Variants in RYR3 observed in about 807,000 individuals in gnomAD.
RYR3 encodes the protein ryanodine receptor 3.
RYR3 carries 207 observed loss-of-function variants against 584.3 expected under a neutral mutation model. The observed-to-expected ratio is 0.35, with a 90% CI of 0.32 to 0.40. RYR3 has a LOEUF of 0.40. RYR3 is among the 10% of genes least tolerant of loss of function. The pLI, the probability that RYR3 is intolerant of heterozygous loss-of-function variation, is 1.00. For missense variants in RYR3, 5,616 were observed against 6,089.2 expected (o/e 0.92, Z 2.59); for synonymous variants, 2,416 against 2,248.5 (o/e 1.07, Z -2.11).
intron 2 of RYR3, among the ~76,000 whole-genome samples, chr15:33,484,557 T>C (rs1282845849): frequency 6.6e-6 from 1 of 152,166 alleles, no homozygotes; most frequent in African/African-American, 2.4e-5. Context: ...AAACATAGAC[T>C]TGTGATCATT....
chr15:33,858,047 T>G, intron 99 of RYR3, 133 bp downstream of exon 99: 1 of 1,186,390 alleles, frequency 8.4e-7, no homozygotes, highest in Non-Finnish European at 1.2e-6. Flanking sequence ...CAGCAGAGAT[T>G]AAAGTAGAAG....
chr15:33,696,431 G>A lies in RYR3; in HGVS notation c.6074G>A (p.Arg2025His), dbSNP rs747601353. 3.7e-6 allele frequency: 6 copies of A among 1,613,804 alleles called. No individual in the cohort carries two copies. Among genetic ancestry groups the A allele is most frequent in the African/African-American group, 2.7e-5 (2 of 74,900 alleles). ...CTGCTGGCTGCCCTGGGCCAAATCCGCTCCCTCCTCAGTGTCAGGATGGGC... is the reference window on the plus strand; with the variant it reads ...CTGCTGGCTGCCCTGGGCCAAATCCACTCCCTCCTCAGTGTCAGGATGGGC... ...INLLAALGQIRSLLSVRMGKE... is the reference protein window; with the variant it reads ...INLLAALGQIHSLLSVRMGKE... Residue 2025 changes from arginine (R) to histidine (H), a missense_variant, in exon 39 of 104, where the codon CGC becomes CAC. Physicochemically the swap from Arg to His is conservative, Grantham distance 29. This residue lies in a region of RYR3 where 1,280 missense variants were observed against 1,426.2 expected (regional missense o/e 0.90). Transcript: ENST00000634891.
chr15:33,776,986 C>CA (rs1567149851), intron 64 of RYR3, among the ~76,000 whole-genome samples: 4 of 152,162 alleles, frequency 2.6e-5, no homozygotes, highest in Non-Finnish European at 5.9e-5. Flanking sequence ...AGAACCGAGA[C>CA]CAGACGAGCC....
At chr15:33,430,137 C>T (rs1057496748) in intron 1 of RYR3, among the ~76,000 whole-genome samples, 26 of 152,320 alleles carry the variant, frequency 1.7e-4, no homozygotes, top group African/African-American at 6.0e-4. Flanking sequence ...GTTATCCAAC[C>T]AAATTGGGTC....
chr15:33,681,506 C>T (rs922205525), intron 38 of RYR3, among the ~76,000 whole-genome samples: 2 of 152,016 alleles, frequency 1.3e-5, no homozygotes, highest in East Asian at 1.9e-4. Flanking sequence ...AGGACATGGA[C>T]GTTTGGGGGA....
intron 22 of RYR3, among the ~76,000 whole-genome samples, chr15:33,630,573 G>GT: frequency 6.6e-6 from 1 of 152,236 alleles, no homozygotes; most frequent in South Asian, 2.1e-4. Flanking sequence ...TAACTTTGTG[G>GT]TTTTGTTGGC....
At chr15:33,763,122 A>G (rs1306417565) in intron 60 of RYR3, among the ~76,000 whole-genome samples, 1 of 152,252 alleles carries the variant, frequency 6.6e-6, no homozygotes, top group Non-Finnish European at 1.5e-5. Context: ...TTAGCTCAAG[A>G]TGGATTAAAG....
intron 3 of RYR3, among the ~76,000 whole-genome samples, chr15:33,521,980 G>A (rs2054017599): frequency 6.6e-6 from 1 of 151,940 alleles, no homozygotes; most frequent in Non-Finnish European, 1.5e-5. Flanking sequence ...ATGGCCAGAT[G>A]CGGTGGCTCA....
At chr15:33,653,701 T>A (rs566305753) in intron 32 of RYR3, among the ~76,000 whole-genome samples, 2 of 151,858 alleles carry the variant, frequency 1.3e-5, no homozygotes, top group East Asian at 3.9e-4. Flanking sequence ...ATATAAACAA[T>A]GTGTTTCCTC....
chr15:33,615,585 G>A (rs1270681489), intron 19 of RYR3, among the ~76,000 whole-genome samples: 1 of 152,182 alleles, frequency 6.6e-6, no homozygotes, highest in African/African-American at 2.4e-5. Flanking sequence ...TGGAGAACCA[G>A]TAGAGTAAAG....
chr15:33,474,659 C>T (rs189100187), intron 2 of RYR3, among the ~76,000 whole-genome samples: 25 of 152,322 alleles, frequency 1.6e-4, no homozygotes, highest in Admixed American at 1.6e-3. Context: ...CCATCACACC[C>T]TCTAAGCTCA....
chr15:33,312,219 G>A (rs1967423660), intron 1 of RYR3, among the ~76,000 whole-genome samples: 1 of 152,008 alleles, frequency 6.6e-6, no homozygotes, highest in African/African-American at 2.4e-5. Flanking sequence ...TCCCTTTAAG[G>A]GTGCCCCCTT....
At chr15:33,603,626 G>A (rs114912786) in intron 18 of RYR3, among the ~76,000 whole-genome samples, 1,899 of 152,268 alleles carry the variant, frequency 0.012, 44 homozygotes, top group African/African-American at 0.042. Context: ...GTACGGAATC[G>A]TTAGGATTAT....
intron 3 of RYR3, among the ~76,000 whole-genome samples, chr15:33,522,754 A>G (rs929617856): frequency 2.0e-5 from 3 of 152,068 alleles, no homozygotes; most frequent in South Asian, 2.1e-4. Context: ...TAGGATGGCT[A>G]CCTGTACTTA....
intron 10 of RYR3, among the ~76,000 whole-genome samples, chr15:33,559,509 C>G (rs2057289059): frequency 6.6e-6 from 1 of 152,186 alleles, no homozygotes; most frequent in Non-Finnish European, 1.5e-5. Flanking sequence ...TACACTACCA[C>G]TTTTGTTGGG....
chr15:33,579,039 A>C (rs1245436865), intron 12 of RYR3, among the ~76,000 whole-genome samples: 3 of 152,180 alleles, frequency 2.0e-5, no homozygotes, highest in Non-Finnish European at 4.4e-5. Context: ...AAAACAGAAA[A>C]AGAGACAGAG....
rs77896794 is a variant in RYR3 at position 33,677,298 on chromosome 15, T to A, written c.5860+6742T>A. Among the ~76,000 whole-genome samples, 27 of 152,240 alleles carry A rather than the reference T, an allele frequency of 1.8e-4. No homozygotes were observed. The East Asian group carries it at 4.8e-3, about 27-fold the overall frequency. On this transcript the variant is annotated intron_variant, in intron 38 of 103. Transcript: ENST00000634891. ...CAGTGGCTTGCCTCATAATCACTTA[T>A]TCTCTATATTGAAACTAAAAAGCAA...
chr15:33,843,461 T>G, intron 91 of RYR3, 27 bp from the exon 92 acceptor site: 2 of 1,520,726 alleles, frequency 1.3e-6, no homozygotes, highest in South Asian at 1.2e-5. Flanking sequence ...AAAGCTCTTC[T>G]ACTTCTGCCT....
At chr15:33,548,106 G>A (rs2056386686) in intron 8 of RYR3, 24 bp from the exon 9 acceptor site, 1 of 1,581,232 alleles carries the variant, frequency 6.3e-7, no homozygotes, top group African/African-American at 1.3e-5. Context: ...GCAAGTAGGA[G>A]CTGATCTCCA....
Sources: gnomAD v4.1 joint callset for allele counts (sites outside exome capture counted in the v4.1 genomes callset) on GRCh38, gnomAD v4.1.1 for gene constraint, gnomAD v4.1.1 regional missense constraint, MANE v1.5 for transcripts, NCBI Gene and HGNC (gene_info 2026-07-23, HGNC 2026-07-21) for gene names.